The following SLC2A11 variants were observed in gnomAD, a reference collection of about 807,000 sequenced individuals.
SLC2A11 encodes solute carrier family 2 member 11.
A neutral mutation model predicts 52.1 loss-of-function variants in SLC2A11; 43 were observed. The ratio of observed to expected loss-of-function variants is 0.82; its 90% CI spans 0.65 to 1.06. The LOEUF is 1.06. Among genes scored for constraint, SLC2A11 ranks in the 50% least tolerant of loss-of-function variants. The pLI is 0.00. For synonymous variants in SLC2A11, 261 were observed against 277.6 expected, an observed-to-expected ratio of 0.94 and a Z score of 0.59; for missense variants, 582 against 654.2, an observed-to-expected ratio of 0.89 and a Z score of 1.20.
In SLC2A11 at chr22:23,877,824, C is replaced by T. The variant is rs141517261; in HGVS notation, c.649C>T (p.Arg217Cys). The T allele has an allele frequency of 5.6e-4, 910 of 1,613,538 alleles. 1 individual carries two copies. Among genetic ancestry groups the T allele is most frequent in the Non-Finnish European group, 7.3e-4 (862 of 1,179,772 alleles). ...CCTGCCTCTGCTCCCTGAAAGCCCG[C>T]GCTACCTCCTCATTGACTGTGGAGA... ...ASLPLLPESP[R>C]YLLIDCGDTE... is the part of the protein sequence containing the mutation. The change falls in exon 6 of 12, where the codon CGC becomes TGC. Residue 217 changes from arginine to cysteine, a missense_variant. Physicochemically the swap from Arg to Cys is radical, Grantham distance 180 (BLOSUM62 -3). Coordinates refer to ENST00000316185, the MANE Select transcript of SLC2A11 (RefSeq NM_001024939.4).
chr22:23,874,417 G>C (rs1473514546), intron 3 of SLC2A11, among the ~76,000 whole-genome samples: 2 of 151,908 alleles, frequency 1.3e-5, no homozygotes, highest in Non-Finnish European at 2.9e-5. Flanking sequence ...CTCCTGAGTA[G>C]CTGAAATTAC....
At position 23,884,388 on chromosome 22, in the gene SLC2A11, A is replaced by C; in HGVS notation, c.1258A>C (p.Ile420Leu). The C allele has an allele frequency of 1.2e-6, 2 of 1,613,898 alleles. No individual in the cohort carries two copies. Among genetic ancestry groups the C allele is most frequent in the South Asian group, 1.1e-5 (1 of 91,080 alleles). ...ACMVCGALMW[I>L]MLILVGLGFP... ...CATGGTCTGCGGGGCGCTCATGTGG[A>C]TCATGCTCATCCTGGTCGGCCTGGG... The change falls in exon 11 of 12, where the codon ATC becomes CTC. Residue 420 changes from isoleucine to leucine, a missense_variant. Coordinates refer to ENST00000316185, the MANE Select transcript of SLC2A11 (RefSeq NM_001024939.4). The surrounding 1 kb of genome is among the most constrained non-coding windows in gnomAD (Gnocchi z 4.3).
chr22:23,876,501 GC>G (rs1329790643), intron 4 of SLC2A11, among the ~76,000 whole-genome samples: 1 of 152,168 alleles, frequency 6.6e-6, no homozygotes. Flanking sequence ...TGGCCTCTTA[GC>G]TTTTGCCATT....
chr22:23,863,723 G>A (rs899151565), intron 2 of SLC2A11, among the ~76,000 whole-genome samples: 1 of 149,854 alleles, frequency 6.7e-6, no homozygotes, highest in Non-Finnish European at 1.5e-5. Context: ...GAGCTCAGGC[G>A]CTCAAGCGAT....
chr22:23,882,459 C>T lies in SLC2A11; in HGVS notation c.695C>T (p.Ala232Val), dbSNP rs1204425399. 3 of 1,535,886 alleles carry T rather than the reference C, an allele frequency of 2.0e-6. No individual in the cohort carries two copies. In the East Asian group the frequency reaches 7.3e-5, roughly 38 times the overall value. ...DCGDTEACLA[A>V]LRRLRGSGDL... ...CTCAGTACCCTCCTCCCTGGCTCAGCACTACGGCGGCTCCGGGGCTCCGGG... is the reference window on the plus strand; with the variant it reads ...CTCAGTACCCTCCTCCCTGGCTCAGTACTACGGCGGCTCCGGGGCTCCGGG... The change falls in exon 7 of 12, where the codon GCA becomes GTA. Residue 232 changes from alanine to valine, a missense_variant and splice_region_variant. Ala to Val is a moderately conservative substitution (Grantham distance 64). Transcript: ENST00000316185.
chr22:23,877,844 T>G lies in SLC2A11; in HGVS notation c.669T>G (p.Cys223Trp). 6 of 1,613,194 alleles carry G rather than the reference T, an allele frequency of 3.7e-6. No individual in the cohort carries two copies. Among genetic ancestry groups the G allele is most frequent in the Non-Finnish European group, 5.1e-6 (6 of 1,179,584 alleles). The change falls in exon 6 of 12, where the codon TGT becomes TGG. Residue 223 changes from cysteine (C) to tryptophan (W), a missense_variant. Coordinates refer to ENST00000316185, the MANE Select transcript of SLC2A11 (RefSeq NM_001024939.4). ...GCCCGCGCTACCTCCTCATTGACTGTGGAGACACCGAGGCCTGCCTGGCAG... is the reference window on the plus strand; with the variant it reads ...GCCCGCGCTACCTCCTCATTGACTGGGGAGACACCGAGGCCTGCCTGGCAG... ...PESPRYLLID[C>W]GDTEACLAAL...
intron 3 of SLC2A11, 78 bp from the exon 4 acceptor site, chr22:23,875,039 T>G: frequency 7.2e-7 from 1 of 1,397,840 alleles, no homozygotes; most frequent in Non-Finnish European, 9.4e-7. Flanking sequence ...TTGTTACAGT[T>G]GCAAAGAGTG....
chr22:23,861,271 C>A (rs1220136039), intron 1 of SLC2A11, among the ~76,000 whole-genome samples: 2 of 143,634 alleles, frequency 1.4e-5, no homozygotes, highest in Non-Finnish European at 3.0e-5. Flanking sequence ...AGCCACTGCG[C>A]CAGGCCAAGA....
chr22:23,857,815 C>G, upstream of SLC2A11: 1 of 1,469,564 alleles, frequency 6.8e-7, no homozygotes, highest in Admixed American at 2.5e-5. Flanking sequence ...TGCGCTTGCG[C>G]TACAGCTTCG....
chr22:23,878,637 C>G (rs76339689), intron 6 of SLC2A11, among the ~76,000 whole-genome samples: 81 of 152,316 alleles, frequency 5.3e-4, no homozygotes, highest in African/African-American at 1.9e-3. Context: ...GATGGCATAT[C>G]CTCTCCCATC....
At chr22:23,867,653 G>A (rs201006089) in intron 2 of SLC2A11, 2 of 470,192 alleles carry the variant, frequency 4.3e-6, no homozygotes, top group Non-Finnish European at 8.8e-6. Context: ...TAGAGGGTCC[G>A]AATGTTCAGC....
chr22:23,857,874 C>T (rs563034966), upstream of SLC2A11: 250 of 1,543,274 alleles, frequency 1.6e-4, 1 homozygote, highest in Non-Finnish European at 9.9e-5. Flanking sequence ...TGCGCTAGCG[C>T]CTCTTTCACC....
intron 4 of SLC2A11, among the ~76,000 whole-genome samples, chr22:23,876,431 G>A (rs1260858935): frequency 1.3e-5 from 2 of 152,094 alleles, no homozygotes; most frequent in Non-Finnish European, 2.9e-5. Context: ...ACCTTGATGG[G>A]AGAACCCCTA....
chr22:23,857,079 G>T (rs887945815), upstream of SLC2A11: 370 of 1,248,792 alleles, frequency 3.0e-4, 28 homozygotes, highest in Middle Eastern at 5.8e-4. Context: ...TGTGTGGGGG[G>T]GGGGGGGTGT....
chr22:23,875,318 TCTTC>T lies in SLC2A11; in HGVS notation c.415+82_415+85del, dbSNP rs995076453. 1.2e-4 allele frequency: 150 copies of T among 1,292,932 alleles called. No homozygotes were observed. In the African/African-American group the frequency reaches 2.1e-3, roughly 18 times the overall value. The allele number at this position is 1,292,932 out of a possible 1,614,324, so 80.1% of individuals were successfully genotyped here. ...ATTCATTAATTCCTTTTATTTCATT[TCTTC>T]CTTCATTTCCTCCCTTTATTCATTC... On this transcript the variant is annotated intron_variant, in intron 4 of 11. Coordinates refer to ENST00000316185, the MANE Select transcript of SLC2A11 (RefSeq NM_001024939.4).
intron 2 of SLC2A11, among the ~76,000 whole-genome samples, chr22:23,862,632 T>C (rs1479266679): frequency 6.6e-6 from 1 of 152,070 alleles, no homozygotes; most frequent in African/African-American, 2.4e-5. Flanking sequence ...GAAATTTTTT[T>C]TTTTTTTCGA....
In SLC2A11 at chr22:23,859,909, T is replaced by C. The variant is rs558702943; in HGVS notation, c.30+1880T>C. On this transcript the variant is annotated intron_variant, in intron 1 of 11. Transcript: ENST00000316185. ...TATCAAAGTTTTCAAAAATAATACA[T>C]TTAATTCTACAGAACAATTTGCCAG... is the stretch of plus-strand genomic sequence containing the variant. Among the ~76,000 whole-genome samples the C allele has an allele frequency of 1.5e-3, 229 of 152,350 alleles. 2 individuals carry two copies. The South Asian group carries it at 0.021, about 14-fold the overall frequency.
rs1458309085 is a variant in SLC2A11, at chr22:23,885,067, T to C, written c.*218T>C. On this transcript the variant is annotated 3_prime_UTR_variant, in exon 12 of 12. Coordinates refer to ENST00000316185, the MANE Select transcript of SLC2A11 (RefSeq NM_001024939.4). ...GACAGAAAATCAGTAACAACATAAT[T>C]ACAGGCTGGTTGTGGCAGCTCATGA... 4 of 563,036 alleles carry C rather than the reference T, an allele frequency of 7.1e-6. No homozygotes were observed. The highest frequency in any genetic ancestry group is 1.3e-5 in the Non-Finnish European group (4 of 319,066). The allele number at this position is 563,036 out of a possible 1,614,324, so 34.9% of individuals were successfully genotyped here.
chr22:23,877,307 A>G (rs2146133252), intron 5 of SLC2A11, 136 bp downstream of exon 5: 1 of 1,439,894 alleles, frequency 6.9e-7, no homozygotes, highest in East Asian at 2.3e-5. Context: ...TCCTCTATCC[A>G]CATCTCTGCT....
Sources: allele counts gnomAD v4.1 joint callset (sites outside exome capture counted in the v4.1 genomes callset), GRCh38; gene constraint gnomAD v4.1.1; non-coding constraint Gnocchi (gnomAD v3.1); transcripts MANE v1.5; gene names NCBI Gene and HGNC (gene_info 2026-07-23, HGNC 2026-07-21).